RBM6: variants seen among roughly 807,000 people sequenced by gnomAD.
RBM6 encodes RNA-binding protein 6.
Under a neutral mutation model 140.4 loss-of-function variants are expected in RBM6, and 23 were observed. That is an observed-to-expected ratio of 0.16 (90% CI 0.12 to 0.23). The LOEUF is 0.23. RBM6 is among the 10% of genes least tolerant of loss of function. RBM6 has a pLI of 1.00. For missense variants in RBM6, 1,139 were observed against 1,386.7 expected (o/e 0.82, Z 2.84); for synonymous variants, 439 against 475.6 (o/e 0.92, Z 1.00).
At chr3:50,006,509 C>A (rs1018668909) in intron 6 of RBM6, among the ~76,000 whole-genome samples, 4 of 152,108 alleles carry the variant, frequency 2.6e-5, no homozygotes, top group Admixed American at 2.6e-4. Flanking sequence ...AAGCAGACTA[C>A]CGGGGGTTGC....
intron 6 of RBM6, among the ~76,000 whole-genome samples, chr3:50,022,826 C>T (rs1316181090): frequency 6.6e-6 from 1 of 152,118 alleles, no homozygotes; most frequent in Non-Finnish European, 1.5e-5. Context: ...GGGCTGGGCG[C>T]AGTGACTCAC....
At chr3:50,028,191 C>T (rs2087946192) in intron 6 of RBM6, among the ~76,000 whole-genome samples, 2 of 152,036 alleles carry the variant, frequency 1.3e-5, no homozygotes, top group Admixed American at 1.3e-4. Flanking sequence ...CAGTCTTCTT[C>T]CTTCCATTCC....
chr3:50,005,223 GTGA>G lies in RBM6; in HGVS notation c.1557+5713_1557+5715del, dbSNP rs370299785. On this transcript the variant is annotated intron_variant, in intron 6 of 20. Transcript: ENST00000266022. The stretch of plus-strand genomic sequence containing the variant: ...AATTAGAGCAATAGGGAAGCCAGGT[GTGA>G]TGGCTCACACCTGTAATTCCAGCAC... Among the ~76,000 whole-genome samples, 288 of 152,262 alleles carry G rather than the reference GTGA, an allele frequency of 1.9e-3. 4 individuals are homozygous for G. Among genetic ancestry groups the G allele is most frequent in the African/African-American group, 6.6e-3 (276 of 41,556 alleles).
intron 6 of RBM6, among the ~76,000 whole-genome samples, chr3:50,037,067 G>A (rs542025829): frequency 1.3e-5 from 2 of 152,028 alleles, no homozygotes; most frequent in South Asian, 4.2e-4. Flanking sequence ...TCTTAGTCTT[G>A]GTACTTCTAA....
intron 4 of RBM6, among the ~76,000 whole-genome samples, chr3:49,972,852 G>A (rs1430570114): frequency 2.6e-5 from 4 of 152,184 alleles, no homozygotes; most frequent in Non-Finnish European, 1.5e-5. Context: ...GTAACTCGGA[G>A]ACAGAGTCTT....
intron 6 of RBM6, among the ~76,000 whole-genome samples, chr3:50,042,365 A>G (rs1045514897): frequency 2.5e-4 from 38 of 152,212 alleles, no homozygotes; most frequent in Non-Finnish European, 8.8e-5. Context: ...TGCATTGAAG[A>G]TCTTTAACAA....
chr3:49,962,227 C>T (rs1013059049), intron 1 of RBM6, among the ~76,000 whole-genome samples: 1 of 149,350 alleles, frequency 6.7e-6, no homozygotes, highest in African/African-American at 2.5e-5. Context: ...CCTAGGTGGG[C>T]GGATCATGAG....
chr3:49,945,162 A>G (rs368070832), intron 1 of RBM6, among the ~76,000 whole-genome samples: 1 of 142,216 alleles, frequency 7.0e-6, no homozygotes, highest in African/African-American at 2.7e-5. Flanking sequence ...GGCGTGAGCC[A>G]CCGCGCCCGG....
chr3:50,024,462 C>T (rs922695981), intron 6 of RBM6, among the ~76,000 whole-genome samples: 1 of 151,796 alleles, frequency 6.6e-6, no homozygotes, highest in Non-Finnish European at 1.5e-5. Flanking sequence ...TCACTGAGTT[C>T]TAATACCACA....
At chr3:50,048,437 G>C in intron 7 of RBM6, 118 bp downstream of exon 7, 1 of 1,481,834 alleles carries the variant, frequency 6.7e-7, no homozygotes, top group Non-Finnish European at 8.9e-7. Context: ...TCTTCCTCAG[G>C]TCACTTCAGT....
At chr3:50,060,040 G>T (rs1193789710) in intron 11 of RBM6, among the ~76,000 whole-genome samples, 6 of 152,146 alleles carry the variant, frequency 3.9e-5, no homozygotes, top group Non-Finnish European at 8.8e-5. Flanking sequence ...TACTAAAGAG[G>T]CTGAGGCGAG....
At chr3:50,011,110 T>G (rs577850059) in intron 6 of RBM6, among the ~76,000 whole-genome samples, 32 of 151,446 alleles carry the variant, frequency 2.1e-4, no homozygotes, top group African/African-American at 7.0e-4. Context: ...GCCTGTAGTT[T>G]CAGCTACTCA....
intron 7 of RBM6, among the ~76,000 whole-genome samples, chr3:50,050,126 C>T (rs752141527): frequency 2.0e-4 from 31 of 152,048 alleles, no homozygotes; most frequent in Non-Finnish European, 4.4e-4. Flanking sequence ...CTTGGCCTCC[C>T]GAAGTTCTGG....
chr3:50,038,607 G>A (rs956667837), intron 6 of RBM6, among the ~76,000 whole-genome samples: 3 of 152,110 alleles, frequency 2.0e-5, no homozygotes, highest in African/African-American at 4.8e-5. Context: ...CGAGGCGGGC[G>A]GATCATGAGG....
At chr3:50,010,823 A>AGGCAGGAGTCCCAGCT (rs1194216509) in intron 6 of RBM6, among the ~76,000 whole-genome samples, 1 of 142,838 alleles carries the variant, frequency 7.0e-6, no homozygotes, top group African/African-American at 2.6e-5. Context: ...GAATTGCTTG[A>AGGCAGGAGTCCCAGCT]ACTCAGGAGG....
chr3:49,952,076 C>G (rs909131426), intron 1 of RBM6, among the ~76,000 whole-genome samples: 5 of 151,134 alleles, frequency 3.3e-5, no homozygotes, highest in Non-Finnish European at 5.9e-5. Flanking sequence ...GCTCTGTCAC[C>G]CAGGCTAGAA....
chr3:50,055,364 A>C (rs1003906346), intron 8 of RBM6, among the ~76,000 whole-genome samples: 3 of 152,132 alleles, frequency 2.0e-5, no homozygotes, highest in Non-Finnish European at 4.4e-5. Flanking sequence ...CAGGAGTCAG[A>C]GGTTGCAGTG....
intron 1 of RBM6, among the ~76,000 whole-genome samples, chr3:49,952,837 A>G (rs62262105): frequency 0.07 from 10,640 of 152,122 alleles, 393 homozygotes; most frequent in Non-Finnish European, 0.077. Context: ...CATTTTTTAT[A>G]TATTTTAGAT....
At chr3:49,993,411 G>T (rs562451498) in intron 5 of RBM6, among the ~76,000 whole-genome samples, 1 of 152,294 alleles carries the variant, frequency 6.6e-6, no homozygotes, top group Admixed American at 6.5e-5. Context: ...GGAGGCCAAG[G>T]CGTGTGGATA....
Sources: gnomAD v4.1 joint callset for allele counts (sites outside exome capture counted in the v4.1 genomes callset) on GRCh38, gnomAD v4.1.1 for gene constraint, MANE v1.5 for transcripts, NCBI Gene and HGNC (gene_info 2026-07-23, HGNC 2026-07-21) for gene names.